Variants in MALRD1 observed in about 807,000 individuals in gnomAD.
The protein encoded by MALRD1 is MAM and LDL receptor class A domain containing 1, also known as MAM and LDL-receptor class A domain-containing protein 1.
A neutral mutation model predicts 242.1 loss-of-function variants in MALRD1; 247 were observed. That is an observed-to-expected ratio of 1.02 (90% confidence interval 0.92 to 1.13). The LOEUF is 1.13. Among genes scored for constraint, MALRD1 ranks in the 50% most tolerant of loss-of-function variants. MALRD1 has a pLI of 0.00. For synonymous variants in MALRD1, 995 were observed against 866.6 expected (o/e 1.15, Z -2.60); for missense variants, 2,989 against 2,533.1 (o/e 1.18, Z -3.86).
intron 32 of MALRD1, among the ~76,000 whole-genome samples, chr10:19,547,889 G>A (rs1343873832): frequency 9.0e-6 from 1 of 111,434 alleles, no homozygotes; most frequent in Non-Finnish European, 1.7e-5. Context: ...TTCAGCAAGT[G>A]TATGTATGGC....
chr10:19,279,910 G>A, intron 19 of MALRD1, 137 bp from the exon 20 acceptor site: 1 of 547,510 alleles, frequency 1.8e-6, no homozygotes, highest in Non-Finnish European at 2.9e-6. Flanking sequence ...TTTTATTTTA[G>A]CAGAGTAGCT....
chr10:19,650,714 C>T (rs764169034), intron 36 of MALRD1, among the ~76,000 whole-genome samples: 4 of 152,136 alleles, frequency 2.6e-5, no homozygotes, highest in African/African-American at 9.7e-5. Flanking sequence ...AAGTAGATTG[C>T]AGCCTGAACT....
intron 4 of MALRD1, among the ~76,000 whole-genome samples, chr10:19,099,433 C>T (rs1338588779): frequency 1.3e-5 from 2 of 152,182 alleles, no homozygotes; most frequent in Middle Eastern, 3.4e-3. Flanking sequence ...TACGTCTATT[C>T]AGAGGTCATC....
In MALRD1 at chr10:19,655,530, GTATATATATATATATATATA is replaced by G. The variant is rs56752723; in HGVS notation, c.6138-36730_6138-36711del. On this transcript the variant is annotated intron_variant, in intron 36 of 39. Coordinates refer to ENST00000454679, the MANE Select transcript of MALRD1 (RefSeq NM_001142308.3). Reference sequence around the variant, plus strand: ...TGTGTGTACATATATATGTGTGAGTGTATATATATATATATATATATATATATATATATATATATATGGAG... The same window carrying G: ...TGTGTGTACATATATATGTGTGAGTGTATATATATATATATATATATGGAG... 1.4e-3 allele frequency among the ~76,000 whole-genome samples: 156 copies of G among 108,830 alleles called. No homozygotes were observed. In the East Asian group the frequency reaches 0.016, roughly 11 times the overall value. 71.4% of individuals were successfully genotyped at this position (108,830 alleles called of 152,430 possible).
chr10:19,727,262 A>T (rs1564573333), intron 38 of MALRD1, among the ~76,000 whole-genome samples: 1 of 152,176 alleles, frequency 6.6e-6, no homozygotes, highest in African/African-American at 2.4e-5. Context: ...TGTTTACTGG[A>T]TGTAACATAG....
At chr10:19,220,839 T>G (rs1837527113) in intron 18 of MALRD1, among the ~76,000 whole-genome samples, 1 of 152,160 alleles carries the variant, frequency 6.6e-6, no homozygotes, top group Non-Finnish European at 1.5e-5. Flanking sequence ...TATTCCAACT[T>G]GTGAATTATT....
Position 19,534,764 on chromosome 10 carries a change from T to C in MALRD1, c.5478+3413T>C, listed in dbSNP as rs560135768. Among the ~76,000 whole-genome samples the C allele has an allele frequency of 2.6e-5, 4 of 152,242 alleles. No homozygotes were observed. The South Asian group carries it at 8.3e-4, about 32-fold the overall frequency. ...GCAATTATGAAGAATATTTTGACAA[T>C]TAAAAAATTTATAATTTTTATATTA... is the stretch of plus-strand genomic sequence containing the variant. On this transcript the variant is annotated intron_variant, in intron 32 of 39. Coordinates refer to ENST00000454679, the MANE Select transcript of MALRD1 (RefSeq NM_001142308.3).
At chr10:19,461,869 T>G (rs1001133160) in intron 29 of MALRD1, among the ~76,000 whole-genome samples, 1 of 152,138 alleles carries the variant, frequency 6.6e-6, no homozygotes, top group Non-Finnish European at 1.5e-5. Context: ...TCCCTTTCTG[T>G]GGAACGTCCA....
chr10:19,363,414 T>C (rs1252771478), intron 26 of MALRD1, among the ~76,000 whole-genome samples: 1 of 152,088 alleles, frequency 6.6e-6, no homozygotes, highest in Non-Finnish European at 1.5e-5. Flanking sequence ...AAAATGAGTA[T>C]TACCCAGGAG....
chr10:19,202,392 T>C (rs1365349354), intron 14 of MALRD1, among the ~76,000 whole-genome samples: 2 of 152,176 alleles, frequency 1.3e-5, no homozygotes, highest in East Asian at 3.9e-4. Context: ...ACTTATAAGT[T>C]GTTTGTAATA....
chr10:19,433,784 CAG>C (rs373448938), intron 28 of MALRD1, among the ~76,000 whole-genome samples: 151 of 152,148 alleles, frequency 9.9e-4, no homozygotes, highest in African/African-American at 3.4e-3. Flanking sequence ...TGTAGACAGA[CAG>C]GGGCAAATAA....
At chr10:19,189,727 T>C (rs148670928) in intron 14 of MALRD1, among the ~76,000 whole-genome samples, 2,153 of 152,066 alleles carry the variant, frequency 0.014, 23 homozygotes, top group Non-Finnish European at 0.023. Context: ...ATCACCTCAA[T>C]TGATGCAGAA....
At chr10:19,394,515 G>A (rs189416919) in intron 28 of MALRD1, among the ~76,000 whole-genome samples, 1 of 152,258 alleles carries the variant, frequency 6.6e-6, no homozygotes, top group East Asian at 1.9e-4. Context: ...AAAGACTGTG[G>A]TCATTCTGGG....
chr10:19,329,323 C>A (rs2130914292), intron 23 of MALRD1, among the ~76,000 whole-genome samples: 1 of 152,236 alleles, frequency 6.6e-6, no homozygotes, highest in Admixed American at 6.5e-5. Flanking sequence ...ACAAAGAAGA[C>A]TGCCTCTAGC....
In MALRD1 at chr10:19,389,529, G is replaced by T. The variant is rs1279828613; in HGVS notation, c.4765G>T (p.Glu1589Ter). 6.4e-7 allele frequency: 1 copy of T among 1,550,600 alleles called. No homozygotes were observed. The highest frequency in any genetic ancestry group is 2.4e-5 in the East Asian group (1 of 40,932). The change falls in exon 28 of 40, where the codon GAA (glutamate) becomes TAA (stop). Residue 1589 changes from glutamate (E) to a stop codon, truncating the protein, a stop_gained. Coordinates refer to ENST00000454679, the MANE Select transcript of MALRD1 (RefSeq NM_001142308.3). LOFTEE classifies it high-confidence loss of function. ...ACACTTCAGGAGTACCATGTGGCGA[G>T]AATCCAGTGCAGCCTGCACCATGAG... ...KAHFRSTMWR[E>*]SSAACTMSFW... is the part of the protein sequence containing the mutation.
intron 28 of MALRD1, among the ~76,000 whole-genome samples, chr10:19,425,458 G>A (rs1429172975): frequency 2.0e-5 from 3 of 152,104 alleles, no homozygotes; most frequent in Non-Finnish European, 4.4e-5. Context: ...GTGTGTGTAT[G>A]TATACATGGA....
intron 36 of MALRD1, among the ~76,000 whole-genome samples, chr10:19,652,295 G>C (rs531985314): frequency 6.6e-6 from 1 of 152,124 alleles, no homozygotes; most frequent in African/African-American, 2.4e-5. Flanking sequence ...CAATAAATAC[G>C]TGCTTACTAA....
intron 36 of MALRD1, among the ~76,000 whole-genome samples, chr10:19,627,008 T>G (rs1290221158): frequency 6.6e-6 from 1 of 152,010 alleles, no homozygotes; most frequent in Non-Finnish European, 1.5e-5. Flanking sequence ...AATAGACAAA[T>G]AGACACTTGG....
chr10:19,054,307 A>G (rs1366232797), intron 1 of MALRD1, among the ~76,000 whole-genome samples: 2 of 152,188 alleles, frequency 1.3e-5, no homozygotes, highest in Non-Finnish European at 2.9e-5. Flanking sequence ...CAGTCATAAT[A>G]TAAGTATATA....
Sources: gnomAD v4.1 joint callset for allele counts (sites outside exome capture counted in the v4.1 genomes callset) on GRCh38, gnomAD v4.1.1 for gene constraint, MANE v1.5 for transcripts, NCBI Gene and HGNC (gene_info 2026-07-23, HGNC 2026-07-21) for gene names.